Variants in PRPF8 observed in about 807,000 individuals in gnomAD.
PRPF8 encodes the protein pre-mRNA-processing-splicing factor 8.
Under a neutral mutation model 285.9 loss-of-function variants are expected in PRPF8, and 64 were observed. The observed-to-expected ratio is 0.22, with a 90% CI of 0.18 to 0.28. The LOEUF (loss-of-function observed/expected upper bound fraction) is 0.28. Ranked by LOEUF, PRPF8 falls within the 10% of genes least tolerant of loss-of-function variation. The pLI, the probability that PRPF8 is intolerant of heterozygous loss-of-function variation, is 1.00. For missense variants in PRPF8, 1,426 were observed against 3,026.7 expected, an observed-to-expected ratio of 0.47 and a Z score of 12.41; for synonymous variants, 1,325 against 1,118.2, an observed-to-expected ratio of 1.18 and a Z score of -3.69.
chr17:1,678,949 C>A, intron 11 of PRPF8, 68 bp from the exon 12 acceptor site: 1 of 1,613,690 alleles, frequency 6.2e-7, no homozygotes, highest in Non-Finnish European at 8.5e-7. Flanking sequence ...ATGCCTTCAT[C>A]AGTAACCAGA....
Position 1,659,128 on chromosome 17 carries a change from T to G in PRPF8, c.5138+229A>C, listed in dbSNP as rs1188556939. ...GCAAGCTCCGCCTCCCGGGTTCAAG[T>G]AATTCTCCCACCTCAACCTTCTGAG... On this transcript the variant is annotated intron_variant, in intron 32 of 42. Transcript: ENST00000304992. The surrounding 1 kb of genome is among the most constrained non-coding windows in gnomAD (Gnocchi z 5.1). 1.5e-6 allele frequency: 1 copy of G among 652,984 alleles called. No homozygotes were observed. Among genetic ancestry groups the G allele is most frequent in the East Asian group, 2.8e-5 (1 of 36,102 alleles). 40.4% of individuals were successfully genotyped at this position (652,984 alleles called of 1,614,324 possible).
At position 1,678,605 on chromosome 17, in the gene PRPF8, C is replaced by A. The variant is rs773010544; in HGVS notation, c.1767G>T (p.Thr589=). The A allele has an allele frequency of 1.2e-6, 2 of 1,614,218 alleles. No homozygotes were observed. Among genetic ancestry groups the A allele is most frequent in the Middle Eastern group, 1.6e-4 (1 of 6,062 alleles). Residue 589 remains threonine (T), a synonymous_variant, in exon 13 of 43, where the codon ACG becomes ACT. Transcript: ENST00000304992. ...GCTTGTATTTGTATCGATACATGCCCGTCAACTGCCCAACATGGGCAAATA... is the reference window on the plus strand; with the variant it reads ...GCTTGTATTTGTATCGATACATGCCAGTCAACTGCCCAACATGGGCAAATA... ...QYIFAHVGQL[T]GMYRYKYKLM... is the part of the protein sequence containing the mutation.
rs899926540 is a variant in PRPF8, at chr17:1,679,484, T to C, written c.1290-74A>G. 6.2e-7 allele frequency: 1 copy of C among 1,600,586 alleles called. No homozygotes were observed. Among genetic ancestry groups the C allele is most frequent in the South Asian group, 1.1e-5 (1 of 88,084 alleles). On this transcript the variant is annotated intron_variant, in intron 9 of 42. Transcript: ENST00000304992. This position sits in a 1 kb window ranked among gnomAD's most constrained non-coding sequence, Gnocchi z 4.7. Reference sequence around the variant, plus strand: ...TCTGCTAAAGGCTGCAAGCCTTGGGTTGTCTACCATTTTTATGGGAAAAAA... The same window carrying C: ...TCTGCTAAAGGCTGCAAGCCTTGGGCTGTCTACCATTTTTATGGGAAAAAA...
intron 24 of PRPF8, among the ~76,000 whole-genome samples, chr17:1,669,321 G>C (rs1038816370): frequency 3.9e-5 from 6 of 152,168 alleles, no homozygotes; most frequent in African/African-American, 2.4e-5. Context: ...TGGCCAGGCT[G>C]GTCTCGAACT....
rs190772338 is a variant in PRPF8 at position 1,684,653 on chromosome 17, G to A, written c.-11-71C>T. On this transcript the variant is annotated intron_variant, in intron 1 of 42. Coordinates refer to ENST00000304992, the MANE Select transcript of PRPF8 (RefSeq NM_006445.4). The stretch of plus-strand genomic sequence containing the variant: ...CCCACAAGAAGCGCAGCAGAAAGGC[G>A]TCCGGGGACCCCGGCCTGCAGTCCC... The A allele has an allele frequency of 1.9e-4, 273 of 1,420,440 alleles. No homozygotes were observed. In the African/African-American group the frequency reaches 3.3e-3, roughly 17 times the overall value. The allele number at this position is 1,420,440 out of a possible 1,614,324, so 88.0% of individuals were successfully genotyped here.
rs557470851 is a variant in PRPF8 at position 1,678,415 on chromosome 17, G to A, written c.1854+103C>T. On this transcript the variant is annotated intron_variant, in intron 13 of 42. Coordinates refer to ENST00000304992, the MANE Select transcript of PRPF8 (RefSeq NM_006445.4). Reference sequence around the variant, plus strand: ...GGAGAATTGCTTGAACTCAGGAGGCGGAGGTTGCAGTGAGCCAAGATCGTG... The same window carrying A: ...GGAGAATTGCTTGAACTCAGGAGGCAGAGGTTGCAGTGAGCCAAGATCGTG... 1.9e-5 allele frequency: 27 copies of A among 1,439,144 alleles called. No homozygotes were observed. The Admixed American group carries it at 2.4e-4, about 13-fold the overall frequency. The allele number at this position is 1,439,144 out of a possible 1,614,324, so 89.1% of individuals were successfully genotyped here.
At chr17:1,657,442 G>A (rs1007018728) in intron 34 of PRPF8, among the ~76,000 whole-genome samples, 1 of 152,070 alleles carries the variant, frequency 6.6e-6, no homozygotes, top group African/African-American at 2.4e-5. Context: ...TCAGGAGATT[G>A]AGACCATCCT....
rs202119515 is a variant in PRPF8 at position 1,677,207 on chromosome 17, A to C, written c.1985-35T>G. On this transcript the variant is annotated intron_variant, in intron 14 of 42. Coordinates refer to ENST00000304992, the MANE Select transcript of PRPF8 (RefSeq NM_006445.4). ...GAGTGTCCCAAGGGGATTACAAGGA[A>C]GATTCCTTGCTTTCAATAAGGGTCT... 1.6e-5 allele frequency: 26 copies of C among 1,598,668 alleles called. No homozygotes were observed. The Admixed American group carries it at 3.3e-4, about 21-fold the overall frequency.
chr17:1,679,595 G>A lies in PRPF8; in HGVS notation c.1289+14C>T, dbSNP rs1472625318. Reference sequence around the variant, plus strand: ...ATCCACTATCATTCCCCCTGCCACAGGGAAAAACCTTACCAGTTCTTGACA... The same window carrying A: ...ATCCACTATCATTCCCCCTGCCACAAGGAAAAACCTTACCAGTTCTTGACA... On this transcript the variant is annotated intron_variant, in intron 9 of 42. Transcript: ENST00000304992. This position sits in a 1 kb window ranked among gnomAD's most constrained non-coding sequence, Gnocchi z 4.7. 4 of 1,612,780 alleles carry A rather than the reference G, an allele frequency of 2.5e-6. No individual in the cohort carries two copies. The highest frequency in any genetic ancestry group is 3.4e-6 in the Non-Finnish European group (4 of 1,179,844).
At chr17:1,677,244 C>T in intron 14 of PRPF8, 72 bp from the exon 15 acceptor site, 1 of 1,395,634 alleles carries the variant, frequency 7.2e-7, no homozygotes, top group Non-Finnish European at 1.0e-6. Context: ...TACCTTCATG[C>T]TCCTCACTCA....
In PRPF8 at chr17:1,673,119, G is replaced by A. The variant is rs1230097290; in HGVS notation, c.3736C>T (p.Gln1246Ter). ...SMQRFHNRVR[Q>*]ILMASGSTTF... ...GTGGACCCAGAGGCCATGAGAATCT[G>A]ACGCACGCGGTTGTGGAAGCGCTGC... The change falls in exon 24 of 43, where the codon CAG becomes TAG. Residue 1246 changes from glutamine (Q) to a stop codon, truncating the protein, a stop_gained. Transcript: ENST00000304992. LOFTEE classifies it high-confidence loss of function. The surrounding 1 kb of genome is among the most constrained non-coding windows in gnomAD (Gnocchi z 5.5). 6.2e-7 allele frequency: 1 copy of A among 1,614,238 alleles called. No individual in the cohort carries two copies.
chr17:1,653,375 T>C lies in PRPF8; in HGVS notation c.6369+167A>G, dbSNP rs918065116. 6 of 845,094 alleles carry C rather than the reference T, an allele frequency of 7.1e-6. No individual in the cohort carries two copies. The highest frequency in any genetic ancestry group is 5.0e-5 in the African/African-American group (3 of 59,462). 52.3% of individuals were successfully genotyped at this position (845,094 alleles called of 1,614,324 possible). A position where few individuals can be genotyped will look rare whatever the true frequency, so the allele number is the denominator to read the frequency against. On this transcript the variant is annotated intron_variant, in intron 39 of 42. Coordinates refer to ENST00000304992, the MANE Select transcript of PRPF8 (RefSeq NM_006445.4). This position sits in a 1 kb window ranked among gnomAD's most constrained non-coding sequence, Gnocchi z 4.9. The stretch of plus-strand genomic sequence containing the variant: ...TTCTCTCAGCTGCCACAGCTTTTGC[T>C]ATCTCATGGGGCCAAAACCCACCTC...
At chr17:1,656,261 A>G in intron 36 of PRPF8, 131 bp downstream of exon 36, 2 of 1,206,132 alleles carry the variant, frequency 1.7e-6, no homozygotes, top group South Asian at 1.2e-5. Context: ...TTAAACTCTC[A>G]TGAAAGTCAA....
intron 2 of PRPF8, 100 bp downstream of exon 2, chr17:1,684,372 A>G (rs922537813): frequency 6.1e-6 from 7 of 1,150,668 alleles, no homozygotes; most frequent in Middle Eastern, 2.2e-4. Context: ...GGGAGCTGAC[A>G]CCTCAGGAGC....
In PRPF8 at chr17:1,684,469, C is replaced by T; in HGVS notation, c.100+3G>A. 6.2e-7 allele frequency: 1 copy of T among 1,612,646 alleles called. No individual in the cohort carries two copies. Among genetic ancestry groups the T allele is most frequent in the Non-Finnish European group, 8.5e-7 (1 of 1,179,692 alleles). ...CGCGCGCCGCTCCACACTCTCGCCT[C>T]ACCTTTCTCCTGCAGCTTCTCCTCC... On this transcript the variant is annotated splice_donor_region_variant and intron_variant, in intron 2 of 42. Coordinates refer to ENST00000304992, the MANE Select transcript of PRPF8 (RefSeq NM_006445.4).
Position 1,665,718 on chromosome 17 carries a change from C to A in PRPF8, c.3775-3565G>T, listed in dbSNP as rs555725757. ...AAAATTAGCCGGGTGCGGTGGCAGG[C>A]ATCTGTAATCCTAGCTACTCGGGAG... On this transcript the variant is annotated intron_variant, in intron 24 of 42. Coordinates refer to ENST00000304992, the MANE Select transcript of PRPF8 (RefSeq NM_006445.4). 2.4e-4 allele frequency among the ~76,000 whole-genome samples: 37 copies of A among 151,516 alleles called. 2 individuals are homozygous for A. The highest frequency in any genetic ancestry group is 8.7e-4 in the African/African-American group (36 of 41,306).
At chr17:1,664,581 AG>A (rs1478964832) in intron 24 of PRPF8, among the ~76,000 whole-genome samples, 5 of 149,052 alleles carry the variant, frequency 3.4e-5, no homozygotes, top group African/African-American at 1.3e-4. Context: ...CTGAGGCAGG[AG>A]GATCGCTTGC....
Position 1,653,982 on chromosome 17 carries a change from G to C in PRPF8, c.6022C>G (p.Arg2008Gly). The change falls in exon 38 of 43, where the codon CGA becomes GGA. Residue 2008 changes from arginine (R) to glycine (G), a missense_variant. Around this residue, in one of 34 missense-constraint regions of PRPF8, gnomAD observed 160 missense variants for 373.7 expected, o/e 0.43. Transcript: ENST00000304992. The surrounding 1 kb of genome is among the most constrained non-coding windows in gnomAD (Gnocchi z 4.9). ...ATCTCCATACCCAGGATGATGTCTCGAATTTCTGATTGTGTCAGTGATGCC... is the reference window on the plus strand; with the variant it reads ...ATCTCCATACCCAGGATGATGTCTCCAATTTCTGATTGTGTCAGTGATGCC... ...NVASLTQSEI[R>G]DIILGMEISA... 1 of 1,614,164 alleles carries C rather than the reference G, an allele frequency of 6.2e-7. No homozygotes were observed. Among genetic ancestry groups the C allele is most frequent in the Non-Finnish European group, 8.5e-7 (1 of 1,180,038 alleles).
intron 3 of PRPF8, chr17:1,683,091 G>A (rs1044069130): frequency 3.7e-6 from 1 of 267,800 alleles, no homozygotes; most frequent in South Asian, 3.9e-5. Flanking sequence ...CGCCTCCCAG[G>A]TTCACGCCAT....
Sources: allele counts gnomAD v4.1 joint callset (sites outside exome capture counted in the v4.1 genomes callset), GRCh38; gene constraint gnomAD v4.1.1; regional missense constraint gnomAD v4.1.1; non-coding constraint Gnocchi (gnomAD v3.1); transcripts MANE v1.5; gene names NCBI Gene and HGNC (gene_info 2026-07-23, HGNC 2026-07-21).